The following ST7 variants were observed in gnomAD, a reference collection of about 807,000 sequenced individuals.
ST7 encodes suppression of tumorigenicity 7, also known as suppressor of tumorigenicity 7 protein.
A neutral mutation model predicts 78.7 loss-of-function variants in ST7; 28 were observed. The observed-to-expected ratio is 0.36, with a 90% CI of 0.26 to 0.49. The LOEUF is 0.49. Among genes scored for constraint, ST7 ranks in the 20% least tolerant of loss-of-function variants. ST7 has a pLI of 0.99. For synonymous variants in ST7, 247 were observed against 249.6 expected (o/e 0.99, Z 0.10); for missense variants, 418 against 696.0 (o/e 0.60, Z 4.49).
At chr7:117,212,162 C>T (rs1021730238) in intron 13 of ST7, among the ~76,000 whole-genome samples, 12 of 152,304 alleles carry the variant, frequency 7.9e-5, no homozygotes, top group African/African-American at 2.2e-4. Context: ...GAGAATGCCA[C>T]GAACCTTGAA....
intron 13 of ST7, among the ~76,000 whole-genome samples, chr7:117,213,112 C>T (rs1333104882): frequency 1.3e-5 from 2 of 152,236 alleles, no homozygotes; most frequent in Non-Finnish European, 2.9e-5. Flanking sequence ...AAAGTTGCCG[C>T]AGCTCCCTCT....
chr7:116,988,602 T>G (rs1230638703), intron 1 of ST7, among the ~76,000 whole-genome samples: 1 of 152,168 alleles, frequency 6.6e-6, no homozygotes, highest in Non-Finnish European at 1.5e-5. Context: ...TAAAGCAGAT[T>G]TTTTTCATTT....
chr7:117,124,927 A>T (rs1196276068), intron 3 of ST7, among the ~76,000 whole-genome samples: 1 of 152,092 alleles, frequency 6.6e-6, no homozygotes, highest in African/African-American at 2.4e-5. Context: ...GGGCTTACTC[A>T]CTAGCTGAGT....
chr7:117,222,698 A>C (rs953600833), intron 15 of ST7, among the ~76,000 whole-genome samples: 1 of 152,198 alleles, frequency 6.6e-6, no homozygotes, highest in Non-Finnish European at 1.5e-5. Flanking sequence ...CTGCACATGC[A>C]GTTGAGGATA....
intron 13 of ST7, among the ~76,000 whole-genome samples, chr7:117,210,548 G>C (rs1393671194): frequency 6.6e-6 from 1 of 152,172 alleles, no homozygotes; most frequent in Non-Finnish European, 1.5e-5. Context: ...TGGTGGGGGA[G>C]ACATGCTCCC....
At chr7:116,984,108 G>T (rs1794087553) in intron 1 of ST7, among the ~76,000 whole-genome samples, 1 of 118,120 alleles carries the variant, frequency 8.5e-6, no homozygotes, top group Non-Finnish European at 1.7e-5. Flanking sequence ...ACGTATTTAT[G>T]TCAGCTGTGT....
At chr7:117,136,483 G>A (rs1804800821) in intron 8 of ST7, 1 of 597,678 alleles carries the variant, frequency 1.7e-6, no homozygotes, top group South Asian at 2.1e-5. Flanking sequence ...GAAATAAATG[G>A]CAGTAACCTT....
rs1341998103 is a variant in ST7 at position 116,999,810 on chromosome 7, T to TTC, written c.151+46120_151+46121insCT. 5.7e-4 allele frequency among the ~76,000 whole-genome samples: 79 copies of TTC among 137,994 alleles called. 1 individual carries two copies. Among genetic ancestry groups the TTC allele is most frequent in the East Asian group, 1.0e-3 (5 of 4,906 alleles). 90.5% of individuals were successfully genotyped at this position (137,994 alleles called of 152,430 possible). ...TGCTTGTGCCTAGAATTTTCTTTCT[T>TTC]TTTTTTTTTTTTTTTTTTGAGACAG... On this transcript the variant is annotated intron_variant, in intron 1 of 15. Transcript: ENST00000323984.
intron 9 of ST7, among the ~76,000 whole-genome samples, chr7:117,154,896 G>A (rs903928859): frequency 6.6e-6 from 1 of 152,116 alleles, no homozygotes; most frequent in Admixed American, 6.6e-5. Context: ...TGGGCTCTAG[G>A]TTGGAGAAGG....
intron 1 of ST7, among the ~76,000 whole-genome samples, chr7:117,087,338 T>G (rs1295398782): frequency 1.3e-5 from 2 of 152,226 alleles, no homozygotes; most frequent in Non-Finnish European, 2.9e-5. Context: ...TCTCGGCTGA[T>G]AAAACAGGAA....
intron 1 of ST7, among the ~76,000 whole-genome samples, chr7:117,005,673 C>T (rs1795125623): frequency 6.6e-6 from 1 of 152,018 alleles, no homozygotes; most frequent in Non-Finnish European, 1.5e-5. Context: ...GCTGAATTCC[C>T]AGACATCAAC....
At chr7:117,053,335 A>G (rs1409211261) in intron 1 of ST7, among the ~76,000 whole-genome samples, 3 of 152,170 alleles carry the variant, frequency 2.0e-5, no homozygotes, top group Admixed American at 2.0e-4. Context: ...CTCAACTCTT[A>G]CAGTGTTTTT....
chr7:117,131,986 A>G (rs1295338938), intron 6 of ST7, 26 bp downstream of exon 6: 5 of 1,601,970 alleles, frequency 3.1e-6, no homozygotes, highest in Non-Finnish European at 4.3e-6. Context: ...TCTTGCTGTT[A>G]AAAAGGAAAT....
In ST7 at chr7:117,073,842, GAACT is replaced by G. The variant is rs1454055060; in HGVS notation, c.152-25915_152-25912del. 27 of 152,136 alleles carry G rather than the reference GAACT, an allele frequency of 1.8e-4. 1 individual carries two copies. The highest frequency in any genetic ancestry group is 4.0e-4 in the Non-Finnish European group (27 of 68,040). 9.4% of individuals were successfully genotyped at this position (152,136 alleles called of 1,614,324 possible). ...TACTTTCCCAGCTTCCAGGAATCAG[GAACT>G]AACTTAGACTTTTCTTTTCATCTCA... On this transcript the variant is annotated intron_variant, in intron 1 of 15. Transcript: ENST00000323984.
intron 9 of ST7, among the ~76,000 whole-genome samples, chr7:117,142,145 C>T (rs1223672870): frequency 6.6e-6 from 1 of 152,010 alleles, no homozygotes; most frequent in Non-Finnish European, 1.5e-5. Context: ...GTTTAGCTAA[C>T]CTCAAGTTTT....
chr7:116,967,278 A>G (rs1212204353), intron 1 of ST7: 1 of 471,134 alleles, frequency 2.1e-6, no homozygotes. Context: ...AGAGTTTGGT[A>G]GGGCTCACAT....
intron 1 of ST7, among the ~76,000 whole-genome samples, chr7:117,071,053 A>C (rs1798920471): frequency 6.6e-6 from 1 of 151,958 alleles, no homozygotes; most frequent in South Asian, 2.1e-4. Context: ...CGCCCTCTCT[A>C]CTAAAAACAC....
intron 3 of ST7, among the ~76,000 whole-genome samples, chr7:117,125,448 CAT>C (rs1419818151): frequency 6.6e-6 from 1 of 152,054 alleles, no homozygotes; most frequent in African/African-American, 2.4e-5. Flanking sequence ...GAGATAGTAA[CAT>C]ATTTGTTGAA....
At chr7:116,975,148 A>G (rs1375537946) in intron 1 of ST7, among the ~76,000 whole-genome samples, 1 of 152,206 alleles carries the variant, frequency 6.6e-6, no homozygotes, top group Non-Finnish European at 1.5e-5. Flanking sequence ...GTCATGGCAG[A>G]AGGCGAAGGA....
Sources: gnomAD v4.1 joint callset for allele counts (sites outside exome capture counted in the v4.1 genomes callset) on GRCh38, gnomAD v4.1.1 for gene constraint, MANE v1.5 for transcripts, NCBI Gene and HGNC (gene_info 2026-07-23, HGNC 2026-07-21) for gene names.